The following STON2 variants were observed in gnomAD, a reference collection of about 807,000 sequenced individuals.
STON2 encodes the protein stonin-2.
Under a neutral mutation model 65.7 loss-of-function variants are expected in STON2, and 29 were observed. The observed-to-expected ratio is 0.44, with a 90% CI of 0.33 to 0.60. STON2 has a LOEUF of 0.60. Among genes scored for constraint, STON2 ranks in the 20% least tolerant of loss-of-function variants. STON2 has a pLI of 0.03. For synonymous variants in STON2, 404 were observed against 414.2 expected (o/e 0.98, Z 0.30); for missense variants, 1,054 against 1,118.1 (o/e 0.94, Z 0.82).
At chr14:81,276,228 C>T (rs926891325) in intron 6 of STON2, among the ~76,000 whole-genome samples, 12 of 152,220 alleles carry the variant, frequency 7.9e-5, no homozygotes, top group African/African-American at 1.7e-4. Context: ...CTGATAGCTG[C>T]GAGCAGCCCA....
In STON2 at chr14:81,412,934, G is replaced by A. The variant is rs111470810; in HGVS notation, c.-199+14168C>T. 13 of 750,140 alleles carry A rather than the reference G, an allele frequency of 1.7e-5. 2 individuals are homozygous for A. The highest frequency in any genetic ancestry group is 6.9e-4 in the Middle Eastern group (2 of 2,896). 46.5% of individuals were successfully genotyped at this position (750,140 alleles called of 1,614,324 possible). ...ATGCTTAGCACCTCCCCAGGAGACC[G>A]TTGCAGTCAGCCAGCCCCCTTCTCC... On this transcript the variant is annotated intron_variant, in intron 2 of 8. Coordinates refer to the STON2 transcript ENST00000553821.
rs1269507278 is a variant in STON2, at chr14:81,277,459, T to G, written c.2023A>C (p.Ile675Leu). The G allele has an allele frequency of 1.9e-6, 3 of 1,614,012 alleles. No homozygotes were observed. The African/African-American group carries it at 4.0e-5, about 22-fold the overall frequency. ...LAECRLGLND[I>L]LVKGNEIVLR... ...ACTATTTCATTCCCTTTGACGAGGA[T>G]GTCATTGAGGCCCAGGCGGCACTCT... is the stretch of plus-strand genomic sequence containing the variant. Residue 675 changes from isoleucine (I) to leucine (L), a missense_variant, in exon 6 of 8, where the codon ATC becomes CTC. By Grantham distance (5) the Ile-to-Leu change is conservative (BLOSUM62 2). Transcript: ENST00000614646.
At chr14:81,428,866 A>C (rs986455742) in intron 1 of STON2, among the ~76,000 whole-genome samples, 1 of 152,226 alleles carries the variant, frequency 6.6e-6, no homozygotes, top group African/African-American at 2.4e-5. Flanking sequence ...CAGCCAATGG[A>C]AGGACTATCA....
At chr14:81,426,759 T>C (rs1227085415) in intron 2 of STON2, among the ~76,000 whole-genome samples, 2 of 152,208 alleles carry the variant, frequency 1.3e-5, no homozygotes, top group Non-Finnish European at 2.9e-5. Flanking sequence ...GCAGTTTACA[T>C]ACATATTTCT....
chr14:81,331,794 G>C (rs906802515), intron 4 of STON2, among the ~76,000 whole-genome samples: 6 of 152,174 alleles, frequency 3.9e-5, no homozygotes, highest in African/African-American at 1.2e-4. Flanking sequence ...AAAAGGCTCT[G>C]AGGAGCCCAC....
chr14:81,341,020 T>C (rs1483363365), intron 4 of STON2, among the ~76,000 whole-genome samples: 1 of 152,154 alleles, frequency 6.6e-6, no homozygotes, highest in Non-Finnish European at 1.5e-5. Context: ...TAAGTCCTAG[T>C]GTCCTCCTCT....
At chr14:81,302,781 C>A (rs1416427133) in intron 5 of STON2, among the ~76,000 whole-genome samples, 14 of 152,230 alleles carry the variant, frequency 9.2e-5, no homozygotes, top group Non-Finnish European at 1.9e-4. Context: ...TATATAAGAT[C>A]TGTAAGCCTC....
intron 3 of STON2, among the ~76,000 whole-genome samples, chr14:81,371,721 C>G (rs1899009091): frequency 6.7e-6 from 1 of 148,640 alleles, no homozygotes; most frequent in Admixed American, 6.7e-5. Flanking sequence ...GGTCCCAGGA[C>G]TCTCCAATCA....
intron 4 of STON2, among the ~76,000 whole-genome samples, chr14:81,343,031 G>A (rs1212977045): frequency 6.6e-6 from 1 of 152,134 alleles, no homozygotes; most frequent in Non-Finnish European, 1.5e-5. Flanking sequence ...GGAGGGTAGG[G>A]CATGCTTCCT....
intron 4 of STON2, among the ~76,000 whole-genome samples, chr14:81,355,454 G>C (rs79414121): frequency 0.03 from 4,617 of 152,130 alleles, 149 homozygotes; most frequent in Non-Finnish European, 0.041. Context: ...TTTCTCAGCA[G>C]AAACTGTAGG....
At chr14:81,298,875 T>C (rs1895866202) in intron 5 of STON2, among the ~76,000 whole-genome samples, 1 of 152,216 alleles carries the variant, frequency 6.6e-6, no homozygotes, top group African/African-American at 2.4e-5. Flanking sequence ...TATTAATCTG[T>C]AATCTAATTA....
At chr14:81,320,933 T>A (rs1311168116) in intron 5 of STON2, among the ~76,000 whole-genome samples, 3 of 152,200 alleles carry the variant, frequency 2.0e-5, no homozygotes, top group Non-Finnish European at 4.4e-5. Context: ...AGCAGGAAAC[T>A]GGAGCTCCTT....
intron 1 of STON2, among the ~76,000 whole-genome samples, chr14:81,435,486 C>T (rs967275175): frequency 6.6e-6 from 1 of 152,158 alleles, no homozygotes; most frequent in Non-Finnish European, 1.5e-5. Context: ...ATTATCGCCA[C>T]CTTACAGATC....
At chr14:81,408,391 AG>A (rs1248598171) in intron 2 of STON2, among the ~76,000 whole-genome samples, 6 of 152,238 alleles carry the variant, frequency 3.9e-5, no homozygotes, top group Non-Finnish European at 1.5e-5. Context: ...TGTATGAGAA[AG>A]AAGTCCAAAA....
chr14:81,435,244 T>C (rs2139940136), intron 1 of STON2, among the ~76,000 whole-genome samples: 1 of 152,292 alleles, frequency 6.6e-6, no homozygotes, highest in East Asian at 1.9e-4. Flanking sequence ...AAAGATACCA[T>C]CGGTCTCATT....
intron 5 of STON2, among the ~76,000 whole-genome samples, chr14:81,312,306 G>A (rs1896455947): frequency 6.6e-6 from 1 of 152,150 alleles, no homozygotes. Flanking sequence ...TGCAGAGAAA[G>A]CCTGACTTTG....
chr14:81,410,278 C>CAAAAAAAAAAAAAAA (rs1161157573), intron 2 of STON2, among the ~76,000 whole-genome samples: 5 of 45,778 alleles, frequency 1.1e-4, no homozygotes, highest in Non-Finnish European at 1.5e-4. Flanking sequence ...TAACTCTAAC[C>CAAAAAAAAAAAAAAA]AAAAAAAAAA....
chr14:81,277,756 C>T lies in STON2; in HGVS notation c.1726G>A (p.Ala576Thr), dbSNP rs774555850. 2 of 1,614,116 alleles carry T rather than the reference C, an allele frequency of 1.2e-6. No homozygotes were observed. Among genetic ancestry groups the T allele is most frequent in the African/African-American group, 1.3e-5 (1 of 75,050 alleles). ...ACCTGTTCCCTCTCTGCTGTGTGGG[C>T]CACAGCAGGTTTGGGCTGGTATTTC... ...KKKYQPKPAVAHTAEREQVIK... is the reference protein window; with the variant it reads ...KKKYQPKPAVTHTAEREQVIK... Residue 576 changes from alanine to threonine, a missense_variant, in exon 6 of 8, where the codon GCC becomes ACC. Transcript: ENST00000614646.
chr14:81,435,842 G>A (rs1353193187), intron 1 of STON2, among the ~76,000 whole-genome samples: 1 of 152,192 alleles, frequency 6.6e-6, no homozygotes, highest in Non-Finnish European at 1.5e-5. Flanking sequence ...TGTCCAGCGG[G>A]CAGAGCGCCT....
Sources: gnomAD v4.1 joint callset for allele counts (sites outside exome capture counted in the v4.1 genomes callset) on GRCh38, gnomAD v4.1.1 for gene constraint, MANE v1.5 for transcripts, NCBI Gene and HGNC (gene_info 2026-07-23, HGNC 2026-07-21) for gene names.